The following ZNF516 variants were observed in gnomAD, a reference collection of about 807,000 sequenced individuals.
ZNF516 encodes the protein zinc finger protein 516.
Under a neutral mutation model 79.7 loss-of-function variants are expected in ZNF516, and 19 were observed. The observed-to-expected ratio is 0.24, with a 90% CI of 0.17 to 0.35. ZNF516 has a LOEUF of 0.35. Ranked by LOEUF, ZNF516 falls within the 10% of genes least tolerant of loss-of-function variation. The pLI is 1.00. For synonymous variants in ZNF516, 877 were observed against 739.5 expected (o/e 1.19, Z -3.02); for missense variants, 1,678 against 1,679.5 (o/e 1.00, Z 0.02).
rs1394802261 is a variant in ZNF516, at chr18:76,378,979, C to A, written c.3135G>T (p.Glu1045Asp). ...APPVLHSIKQEPVAEGHEKRL... is the reference protein window; with the variant it reads ...APPVLHSIKQDPVAEGHEKRL... ...GCTTCTCATGCCCCTCGGCCACCGG[C>A]TCCTGTTTGATGGAGTGTAGGACGG... Residue 1045 changes from glutamate (E) to aspartate (D), a missense_variant, in exon 4 of 7, where the codon GAG becomes GAT. Physicochemically the swap from Glu to Asp is conservative, Grantham distance 45. This residue lies in a region of ZNF516 where 1,294 missense variants were observed against 1,248.3 expected (regional missense o/e 1.04). Coordinates refer to ENST00000443185, the MANE Select transcript of ZNF516 (RefSeq NM_014643.4). 6.2e-7 allele frequency: 1 copy of A among 1,613,606 alleles called. No individual in the cohort carries two copies. The highest frequency in any genetic ancestry group is 1.3e-5 in the African/African-American group (1 of 75,054).
intron 3 of ZNF516, among the ~76,000 whole-genome samples, chr18:76,406,271 A>G (rs558266647): frequency 6.6e-6 from 1 of 152,332 alleles, no homozygotes; most frequent in African/African-American, 2.4e-5. Flanking sequence ...CTTCCTCTTA[A>G]CAACAAAAAC....
Position 76,451,134 on chromosome 18 carries a change from G to C in ZNF516, c.-157-7923C>G, listed in dbSNP as rs1912385560. On this transcript the variant is annotated intron_variant, in intron 2 of 6. Transcript: ENST00000443185. The surrounding 1 kb of genome is among the most constrained non-coding windows in gnomAD (Gnocchi z 6.0). ...AGTCCCCACAAGCAGCATGTGTCAG[G>C]GGAGGGAAGCAAAGCTGAAGTGGGT... Among the ~76,000 whole-genome samples the C allele has an allele frequency of 2.0e-5, 3 of 152,186 alleles. No individual in the cohort carries two copies. The highest frequency in any genetic ancestry group is 7.2e-5 in the African/African-American group (3 of 41,448).
intron 2 of ZNF516, among the ~76,000 whole-genome samples, chr18:76,444,440 T>C (rs999236867): frequency 4.6e-5 from 7 of 152,226 alleles, no homozygotes; most frequent in Non-Finnish European, 7.3e-5. Context: ...AGCGTGTTTG[T>C]ATAAGCCTAC....
rs745790158 is a variant in ZNF516 at position 76,459,243 on chromosome 18, G to A, written c.-158+3785C>T. Among the ~76,000 whole-genome samples the A allele has an allele frequency of 6.8e-4, 103 of 152,264 alleles. No homozygotes were observed. The highest frequency in any genetic ancestry group is 1.5e-4 in the Non-Finnish European group (10 of 68,024). On this transcript the variant is annotated intron_variant, in intron 2 of 6. Coordinates refer to ENST00000443185, the MANE Select transcript of ZNF516 (RefSeq NM_014643.4). This position sits in a 1 kb window ranked among gnomAD's most constrained non-coding sequence, Gnocchi z 5.0. Reference sequence around the variant, plus strand: ...GCGCTCTCTCCCTGCCCCGAGCTTCGGCTTCTCCTCCATGCACGGTCACTG... The same window carrying A: ...GCGCTCTCTCCCTGCCCCGAGCTTCAGCTTCTCCTCCATGCACGGTCACTG...
intron 4 of ZNF516, among the ~76,000 whole-genome samples, chr18:76,377,668 G>T (rs1475650186): frequency 6.6e-6 from 1 of 151,866 alleles, no homozygotes; most frequent in African/African-American, 2.4e-5. Flanking sequence ...CTGGATCTCA[G>T]ATGTTCTAAT....
intron 3 of ZNF516, among the ~76,000 whole-genome samples, chr18:76,404,112 TAGC>T (rs2075268631): frequency 6.6e-6 from 1 of 152,220 alleles, no homozygotes; most frequent in South Asian, 2.1e-4. Context: ...CCTGGGGACT[TAGC>T]AGTCTCCAGT....
chr18:76,392,353 A>G (rs1485901204), intron 3 of ZNF516, among the ~76,000 whole-genome samples: 2 of 152,234 alleles, frequency 1.3e-5, no homozygotes, highest in African/African-American at 2.4e-5. Context: ...TAGGGTTGGC[A>G]AACGGGGCTC....
intron 6 of ZNF516, among the ~76,000 whole-genome samples, chr18:76,365,721 G>A (rs569119193): frequency 3.3e-5 from 5 of 152,308 alleles, no homozygotes; most frequent in East Asian, 3.9e-4. Flanking sequence ...GACAAGCACC[G>A]GTGCCACCGC....
chr18:76,434,894 A>T (rs923960597), intron 3 of ZNF516, among the ~76,000 whole-genome samples: 1 of 152,238 alleles, frequency 6.6e-6, no homozygotes, highest in African/African-American at 2.4e-5. Context: ...GGGGCTGAAG[A>T]ACTTCTAATA....
chr18:76,369,306 G>A (rs562940670), intron 6 of ZNF516, among the ~76,000 whole-genome samples: 1 of 152,252 alleles, frequency 6.6e-6, no homozygotes, highest in East Asian at 1.9e-4. Flanking sequence ...GTTTTATTAA[G>A]AAAGGCAGAA....
rs1981370 is a variant in ZNF516, at chr18:76,358,860, A to G, written c.*3638T>C. On this transcript the variant is annotated 3_prime_UTR_variant, in exon 7 of 7. Coordinates refer to ENST00000443185, the MANE Select transcript of ZNF516 (RefSeq NM_014643.4). The stretch of plus-strand genomic sequence containing the variant: ...TCTTCCACACAACAGACTAAGCACT[A>G]CACCCACTTTCTTTGATCCAGAAAG... The G allele has an allele frequency of 0.75, 114,067 of 152,180 alleles. 42,921 individuals are homozygous for G. The highest frequency in any genetic ancestry group is 0.76 in the African/African-American group (31,557 of 41,448). The allele number at this position is 152,180 out of a possible 1,614,324, so 9.4% of individuals were successfully genotyped here.
At chr18:76,495,286 G>C (rs1915437241), upstream of ZNF516, 1 of 144,730 alleles carries the variant, frequency 6.9e-6, no homozygotes. Context: ...GGACGCGCGA[G>C]GGCGCGCGGG....
chr18:76,490,000 C>T (rs1300901881), intron 1 of ZNF516: 1 of 195,166 alleles, frequency 5.1e-6, no homozygotes, highest in African/African-American at 2.4e-5. Flanking sequence ...GGTTAATGCG[C>T]TCTGGTGTTT....
chr18:76,400,416 T>G (rs961773020), intron 3 of ZNF516, among the ~76,000 whole-genome samples: 1 of 152,240 alleles, frequency 6.6e-6, no homozygotes, highest in Non-Finnish European at 1.5e-5. Context: ...TTGGTAGGAT[T>G]TGCTACCTAA....
In ZNF516 at chr18:76,379,694, A is replaced by C. The variant is rs903375183; in HGVS notation, c.2420T>G (p.Leu807Trp). 1 of 1,613,592 alleles carries C rather than the reference A, an allele frequency of 6.2e-7. No individual in the cohort carries two copies. Residue 807 changes from leucine to tryptophan, a missense_variant, in exon 4 of 7, where the codon TTG becomes TGG. Leu to Trp is a moderately conservative substitution (Grantham distance 61, BLOSUM62 -2). Around this residue, in one of 5 missense-constraint regions of ZNF516, gnomAD observed 1,294 missense variants for 1,248.3 expected, o/e 1.04. Transcript: ENST00000443185. Reference protein sequence around the residue: ...PNGYKSIRSNLVFLSRSGRTG... With the variant: ...PNGYKSIRSNWVFLSRSGRTG... ...GCGTCCGCTCCGGGAAAGGAAAACC[A>C]AATTGCTTCTGATGCTTTTGTAACC...
chr18:76,431,533 T>G (rs2145455298), intron 3 of ZNF516, among the ~76,000 whole-genome samples: 1 of 152,338 alleles, frequency 6.6e-6, no homozygotes, highest in Non-Finnish European at 1.5e-5. Flanking sequence ...AACCTCATGT[T>G]GCGACCGATT....
In ZNF516 at chr18:76,441,444, A is replaced by G; in HGVS notation, c.1611T>C (p.His537=). The part of the protein sequence containing the change: ...YHQMVLHSRV[H]RRARRERDSD... ...TGTCCCTCTCGCGGCGCGCGCGGCG[A>G]TGCACGCGTGAGTGCAGCACCATCT... The change falls in exon 3 of 7, where the codon CAT becomes CAC. Residue 537 remains histidine (H), a synonymous_variant. Transcript: ENST00000443185. 6.2e-7 allele frequency: 1 copy of G among 1,606,450 alleles called. No homozygotes were observed. The highest frequency in any genetic ancestry group is 8.5e-7 in the Non-Finnish European group (1 of 1,177,706).
chr18:76,415,028 T>G (rs1013231432), intron 3 of ZNF516, among the ~76,000 whole-genome samples: 2 of 152,198 alleles, frequency 1.3e-5, no homozygotes, highest in Non-Finnish European at 2.9e-5. Flanking sequence ...TGAAACCCCA[T>G]TTCTACTAAA....
intron 3 of ZNF516, among the ~76,000 whole-genome samples, chr18:76,399,267 T>G (rs139361899): frequency 6.6e-6 from 1 of 152,370 alleles, no homozygotes; most frequent in East Asian, 1.9e-4. Context: ...TGCACATGTC[T>G]TATGAAGCAC....
Sources: gnomAD v4.1 joint callset for allele counts (sites outside exome capture counted in the v4.1 genomes callset) on GRCh38, gnomAD v4.1.1 for gene constraint, gnomAD v4.1.1 regional missense constraint, Gnocchi (gnomAD v3.1) non-coding constraint, MANE v1.5 for transcripts, NCBI Gene and HGNC (gene_info 2026-07-23, HGNC 2026-07-21) for gene names.